The following SPOCK1 variants were observed in gnomAD, a reference collection of about 807,000 sequenced individuals.
The protein encoded by SPOCK1 is SPARC (osteonectin), cwcv and kazal like domains proteoglycan 1, also known as testican-1.
Under a neutral mutation model 55.3 loss-of-function variants are expected in SPOCK1, and 23 were observed. The observed-to-expected ratio is 0.42, with a 90% CI of 0.30 to 0.59. SPOCK1 has a LOEUF of 0.59. Among genes scored for constraint, SPOCK1 ranks in the 20% least tolerant of loss-of-function variants. SPOCK1 has a pLI of 0.22. For missense variants in SPOCK1, 499 were observed against 552.5 expected, an observed-to-expected ratio of 0.90 and a Z score of 0.97; for synonymous variants, 226 against 221.0, an observed-to-expected ratio of 1.02 and a Z score of -0.20.
chr5:137,163,090 A>G (rs538877239), intron 3 of SPOCK1, among the ~76,000 whole-genome samples: 16 of 152,180 alleles, frequency 1.1e-4, no homozygotes, highest in Non-Finnish European at 1.0e-4. Flanking sequence ...ATCCTAATGA[A>G]AACAGAAAAG....
intron 2 of SPOCK1, among the ~76,000 whole-genome samples, chr5:137,270,422 G>A (rs1756939642): frequency 1.3e-5 from 2 of 152,150 alleles, no homozygotes; most frequent in African/African-American, 2.4e-5. Flanking sequence ...ATGAAGGATG[G>A]CAGTGTTACT....
intron 2 of SPOCK1, among the ~76,000 whole-genome samples, chr5:137,404,319 C>T (rs959993913): frequency 3.3e-5 from 5 of 152,116 alleles, no homozygotes; most frequent in African/African-American, 1.2e-4. Flanking sequence ...AGGATTTTCC[C>T]AAAGAATCAG....
chr5:137,170,609 CTCT>C (rs751913799), intron 3 of SPOCK1, among the ~76,000 whole-genome samples: 82 of 151,584 alleles, frequency 5.4e-4, no homozygotes, highest in Non-Finnish European at 8.1e-4. Flanking sequence ...CTCTCTCTCT[CTCT>C]CTCTCTCTCT....
At chr5:137,345,273 T>C (rs1469632559) in intron 2 of SPOCK1, among the ~76,000 whole-genome samples, 1 of 152,202 alleles carries the variant, frequency 6.6e-6, no homozygotes, top group Non-Finnish European at 1.5e-5. Context: ...GACCAGTTTC[T>C]AGAATTTGAG....
intron 3 of SPOCK1, among the ~76,000 whole-genome samples, chr5:137,164,075 C>A (rs573153322): frequency 2.0e-5 from 3 of 152,274 alleles, no homozygotes; most frequent in Admixed American, 2.0e-4. Flanking sequence ...CACTTTTGAG[C>A]ACTACCAGGC....
chr5:137,485,360 T>A (rs1462451540), intron 2 of SPOCK1, among the ~76,000 whole-genome samples: 2 of 152,230 alleles, frequency 1.3e-5, no homozygotes, highest in African/African-American at 4.8e-5. Flanking sequence ...TTGATACACT[T>A]TTGTTGAATT....
At chr5:137,156,171 C>T (rs1754413545) in intron 3 of SPOCK1, among the ~76,000 whole-genome samples, 1 of 152,086 alleles carries the variant, frequency 6.6e-6, no homozygotes, top group Admixed American at 6.6e-5. Context: ...TGCCTCTGAA[C>T]CCTGAGAGTG....
chr5:137,373,362 A>G (rs1751243533), intron 2 of SPOCK1, among the ~76,000 whole-genome samples: 1 of 152,172 alleles, frequency 6.6e-6, no homozygotes. Context: ...AGAAGATGAA[A>G]ATCCCCAAGC....
intron 3 of SPOCK1, among the ~76,000 whole-genome samples, chr5:137,216,259 G>A (rs1476219520): frequency 1.3e-5 from 2 of 152,202 alleles, no homozygotes; most frequent in African/African-American, 4.8e-5. Flanking sequence ...ATATGGCCCT[G>A]CAGAGCTTTG....
intron 2 of SPOCK1, among the ~76,000 whole-genome samples, chr5:137,469,576 C>A (rs1439607577): frequency 1.3e-5 from 2 of 152,056 alleles, no homozygotes; most frequent in Non-Finnish European, 2.9e-5. Context: ...CTATAGAACA[C>A]CTTGGAGCCC....
intron 2 of SPOCK1, among the ~76,000 whole-genome samples, chr5:137,417,310 T>A (rs1228521424): frequency 6.6e-6 from 1 of 151,526 alleles, no homozygotes. Context: ...TACTCTGACG[T>A]TCAGGTGTGT....
intron 2 of SPOCK1, among the ~76,000 whole-genome samples, chr5:137,497,258 G>A (rs1200241072): frequency 2.6e-5 from 4 of 152,102 alleles, no homozygotes; most frequent in Non-Finnish European, 5.9e-5. Flanking sequence ...CTGTGGTATA[G>A]GTCAAATTAT....
At chr5:137,403,722 T>G (rs1752033877) in intron 2 of SPOCK1, among the ~76,000 whole-genome samples, 1 of 151,850 alleles carries the variant, frequency 6.6e-6, no homozygotes, top group African/African-American at 2.4e-5. Flanking sequence ...AAGGTCTGGC[T>G]TGTTCAAAAA....
intron 6 of SPOCK1, among the ~76,000 whole-genome samples, chr5:137,016,383 C>T (rs867799328): frequency 3.3e-5 from 5 of 152,238 alleles, no homozygotes; most frequent in African/African-American, 1.2e-4. Context: ...CCATAGAACA[C>T]TCATTCTCTG....
intron 3 of SPOCK1, among the ~76,000 whole-genome samples, chr5:137,190,122 G>A (rs1300538102): frequency 6.6e-6 from 1 of 152,100 alleles, no homozygotes; most frequent in Non-Finnish European, 1.5e-5. Context: ...TGTGAGCATT[G>A]TTGAAATGAT....
intron 5 of SPOCK1, among the ~76,000 whole-genome samples, chr5:137,091,217 T>G (rs935088470): frequency 2.6e-5 from 4 of 152,180 alleles, no homozygotes; most frequent in African/African-American, 9.7e-5. Context: ...AAGGACTATC[T>G]CTTCCCTGCT....
intron 4 of SPOCK1, among the ~76,000 whole-genome samples, chr5:137,132,978 G>A (rs1753912565): frequency 6.6e-6 from 1 of 152,158 alleles, no homozygotes; most frequent in African/African-American, 2.4e-5. Context: ...ATCTTCAGAT[G>A]GTACTGAAAG....
At chr5:137,272,353 AGACC>A (rs1756980642) in intron 2 of SPOCK1, among the ~76,000 whole-genome samples, 1 of 152,226 alleles carries the variant, frequency 6.6e-6, no homozygotes, top group Non-Finnish European at 1.5e-5. Context: ...TGAGATTTCC[AGACC>A]ATTATGTAAA....
intron 2 of SPOCK1, among the ~76,000 whole-genome samples, chr5:137,448,405 C>T (rs888793908): frequency 2.0e-5 from 3 of 152,226 alleles, no homozygotes; most frequent in Admixed American, 1.3e-4. Flanking sequence ...GATTAGAAAC[C>T]TGGTGGTTTC....
Sources: allele counts gnomAD v4.1 joint callset (sites outside exome capture counted in the v4.1 genomes callset), GRCh38; gene constraint gnomAD v4.1.1; transcripts MANE v1.5; gene names NCBI Gene and HGNC (gene_info 2026-07-23, HGNC 2026-07-21).